Variants in GRIK3 observed in about 807,000 individuals in gnomAD.
GRIK3 encodes the protein glutamate ionotropic receptor kainate type subunit 3, also known as glutamate receptor ionotropic, kainate 3.
GRIK3 carries 29 observed loss-of-function variants against 102.5 expected under a neutral mutation model. The observed-to-expected ratio is 0.28, with a 90% CI of 0.21 to 0.39. GRIK3 has a LOEUF of 0.39. Ranked by LOEUF, GRIK3 falls within the 10% of genes least tolerant of loss-of-function variation. The pLI is 1.00. For synonymous variants in GRIK3, 511 were observed against 504.9 expected (o/e 1.01, Z -0.16); for missense variants, 908 against 1,252.4 (o/e 0.73, Z 4.15).
At chr1:37,022,999 T>C (rs74415374) in intron 1 of GRIK3, among the ~76,000 whole-genome samples, 90 of 152,296 alleles carry the variant, frequency 5.9e-4, no homozygotes, top group African/African-American at 2.1e-3. Context: ...GACATGTTCA[T>C]TGAAACCTTA....
rs141655082 is a variant in GRIK3, at chr1:36,904,900, T to C, written c.116-13804A>G. ...AATAAAATATTCCTTAAAATCATGATATGAATAAGACAAAAATAACAAATC... is the reference window on the plus strand; with the variant it reads ...AATAAAATATTCCTTAAAATCATGACATGAATAAGACAAAAATAACAAATC... On this transcript the variant is annotated intron_variant, in intron 1 of 15. Transcript: ENST00000373091. Among the ~76,000 whole-genome samples the C allele has an allele frequency of 3.4e-4, 52 of 152,268 alleles. 1 individual carries two copies. In the East Asian group the frequency reaches 9.6e-3, roughly 28 times the overall value.
At chr1:36,847,753 T>C (rs1368030975) in intron 9 of GRIK3, among the ~76,000 whole-genome samples, 1 of 152,238 alleles carries the variant, frequency 6.6e-6, no homozygotes, top group Non-Finnish European at 1.5e-5. Flanking sequence ...TAGGGTCATA[T>C]GGCAAATCAA....
intron 1 of GRIK3, among the ~76,000 whole-genome samples, chr1:36,898,363 A>G (rs1002598652): frequency 2.6e-5 from 4 of 152,198 alleles, no homozygotes; most frequent in Admixed American, 1.3e-4. Flanking sequence ...TACATATTGC[A>G]TGCCTGTATG....
intron 5 of GRIK3, among the ~76,000 whole-genome samples, chr1:36,868,849 C>T (rs1271956814): frequency 7.2e-5 from 11 of 152,298 alleles, no homozygotes; most frequent in South Asian, 2.1e-4. Flanking sequence ...TCAGAACCTA[C>T]GGGGTCATAG....
At chr1:36,832,958 C>G (rs1297552790) in intron 10 of GRIK3, among the ~76,000 whole-genome samples, 1 of 152,184 alleles carries the variant, frequency 6.6e-6, no homozygotes, top group Non-Finnish European at 1.5e-5. Flanking sequence ...CCCCGCACTG[C>G]TCCTCCGTGT....
chr1:36,910,497 C>T (rs1029549164), intron 1 of GRIK3, among the ~76,000 whole-genome samples: 1 of 152,208 alleles, frequency 6.6e-6, no homozygotes, highest in African/African-American at 2.4e-5. Flanking sequence ...TTAGCCAGAC[C>T]CCTGGGGGAA....
At chr1:36,825,950 C>T (rs965915501) in intron 10 of GRIK3, 124 bp from the exon 11 acceptor site, 43 of 656,418 alleles carry the variant, frequency 6.6e-5, no homozygotes, top group African/African-American at 4.6e-4. Flanking sequence ...GGTCACTAAC[C>T]GCTCTTCTGT....
intron 1 of GRIK3, among the ~76,000 whole-genome samples, chr1:36,933,223 T>C (rs1031049084): frequency 8.5e-5 from 13 of 152,144 alleles, no homozygotes; most frequent in African/African-American, 3.1e-4. Context: ...CTTGATTCTG[T>C]GCCCCCCACC....
intron 2 of GRIK3, among the ~76,000 whole-genome samples, chr1:36,885,908 TC>T (rs1279356971): frequency 6.6e-6 from 1 of 152,024 alleles, no homozygotes; most frequent in African/African-American, 2.4e-5. Flanking sequence ...CTGAATGCTG[TC>T]CCCCCACTCC....
At chr1:36,957,302 C>A (rs58254336) in intron 1 of GRIK3, among the ~76,000 whole-genome samples, 967 of 47,590 alleles carry the variant, frequency 0.02, 13 homozygotes, top group African/African-American at 0.12. Context: ...CCCACGAGCC[C>A]GTGTGCCTCA....
At position 37,008,404 on chromosome 1, in the gene GRIK3, C is replaced by T. The variant is rs147585668; in HGVS notation, c.115+25590G>A. ...TCGCCCAGGACAGTGCCTTCACAAG[C>T]TGCAGATGGAGAGCGAACAAACGCC... On this transcript the variant is annotated intron_variant, in intron 1 of 15. Transcript: ENST00000373091. 5.3e-3 allele frequency among the ~76,000 whole-genome samples: 812 copies of T among 152,376 alleles called. 8 individuals carry two copies. The highest frequency in any genetic ancestry group is 0.018 in the African/African-American group (733 of 41,588).
intron 1 of GRIK3, among the ~76,000 whole-genome samples, chr1:36,940,150 G>T (rs975448378): frequency 2.0e-5 from 3 of 152,334 alleles, no homozygotes; most frequent in Admixed American, 6.5e-5. Flanking sequence ...ATACTGTGAC[G>T]CTCAGCATCT....
At chr1:36,817,651 C>G (rs1320974611) in intron 12 of GRIK3, among the ~76,000 whole-genome samples, 1 of 152,154 alleles carries the variant, frequency 6.6e-6, no homozygotes, top group African/African-American at 2.4e-5. Context: ...AACCATGGAC[C>G]ACTTATGTGG....
At chr1:36,951,024 C>T (rs1276400034) in intron 1 of GRIK3, among the ~76,000 whole-genome samples, 3 of 152,196 alleles carry the variant, frequency 2.0e-5, no homozygotes, top group East Asian at 1.9e-4. Flanking sequence ...TGTGCTCAGA[C>T]CCAAAGGGAA....
intron 1 of GRIK3, among the ~76,000 whole-genome samples, chr1:37,003,839 T>C (rs747884871): frequency 3.3e-5 from 5 of 152,018 alleles, no homozygotes; most frequent in Non-Finnish European, 5.9e-5. Context: ...GAAGGGGCCA[T>C]CTCCCACCTC....
chr1:36,993,801 A>C (rs540846899), intron 1 of GRIK3, among the ~76,000 whole-genome samples: 15 of 152,296 alleles, frequency 9.8e-5, no homozygotes, highest in African/African-American at 3.1e-4. Context: ...ATATCGAATA[A>C]CTGACCAACA....
chr1:37,028,130 G>A (rs1300296811), intron 1 of GRIK3, among the ~76,000 whole-genome samples: 1 of 152,212 alleles, frequency 6.6e-6, no homozygotes, highest in Non-Finnish European at 1.5e-5. Flanking sequence ...GTGAGGGAAG[G>A]AAGGAATAAC....
At chr1:36,995,812 C>T (rs1642413499) in intron 1 of GRIK3, among the ~76,000 whole-genome samples, 1 of 152,220 alleles carries the variant, frequency 6.6e-6, no homozygotes. Flanking sequence ...TTCAAAAGTT[C>T]AGGCTGCATC....
At position 36,850,352 on chromosome 1, in the gene GRIK3, C is replaced by T. The variant is rs768148773; in HGVS notation, c.1285G>A (p.Asp429Asn). 6.8e-6 allele frequency: 11 copies of T among 1,613,284 alleles called. No homozygotes were observed. Among genetic ancestry groups the T allele is most frequent in the South Asian group, 3.3e-5 (3 of 91,058 alleles). The change falls in exon 9 of 16, where the codon GAC becomes AAC. Residue 429 changes from aspartate (D) to asparagine (N), a missense_variant. By Grantham distance (23) the Asp-to-Asn change is conservative. Transcript: ENST00000373091. This position sits in a 1 kb window ranked among gnomAD's most constrained non-coding sequence, Gnocchi z 4.0. Reference sequence around the variant, plus strand: ...ATGAGTGATCTGTTTGTCAGAGAGTCGGTGACATTAGGGCCTCGGCCTTTG... The same window carrying T: ...ATGAGTGATCTGTTTGTCAGAGAGTTGGTGACATTAGGGCCTCGGCCTTTG... ...VAKGRGPNVT[D>N]SLTNRSLIVT...
Sources: gnomAD v4.1 joint callset for allele counts (sites outside exome capture counted in the v4.1 genomes callset) on GRCh38, gnomAD v4.1.1 for gene constraint, Gnocchi (gnomAD v3.1) non-coding constraint, MANE v1.5 for transcripts, NCBI Gene and HGNC (gene_info 2026-07-23, HGNC 2026-07-21) for gene names.